NR3C2: variants seen among roughly 807,000 people sequenced by gnomAD.
NR3C2 encodes mineralocorticoid receptor.
In NR3C2, 15 loss-of-function variants were observed where a neutral mutation model predicts 86.4. That is an observed-to-expected ratio of 0.17 (90% confidence interval 0.12 to 0.27). NR3C2 has a LOEUF of 0.27. NR3C2 is among the 10% of genes least tolerant of loss of function. The pLI, the probability that NR3C2 is intolerant of heterozygous loss-of-function variation, is 1.00. For synonymous variants in NR3C2, 458 were observed against 450.5 expected (o/e 1.02, Z -0.21); for missense variants, 960 against 1,195.6 (o/e 0.80, Z 2.91).
At chr4:148,288,832 T>C (rs1315008713) in intron 2 of NR3C2, among the ~76,000 whole-genome samples, 1 of 152,134 alleles carries the variant, frequency 6.6e-6, no homozygotes, top group Non-Finnish European at 1.5e-5. Context: ...ATTTTATCAG[T>C]GTTATGCCCC....
rs1404371425 is a variant in NR3C2 at position 148,079,378 on chromosome 4, T to A, written c.*1966A>T. ...GGTTTCCCCTTGCATAAGGCAGGTG[T>A]CTTTTGAAAGACAAGGTAATGTTGC... is the stretch of plus-strand genomic sequence containing the variant. On this transcript the variant is annotated 3_prime_UTR_variant, in exon 9 of 9. Coordinates refer to ENST00000358102, the MANE Select transcript of NR3C2 (RefSeq NM_000901.5). 1 of 152,264 alleles carries A rather than the reference T, an allele frequency of 6.6e-6. No individual in the cohort carries two copies. Among genetic ancestry groups the A allele is most frequent in the African/African-American group, 2.4e-5 (1 of 41,466 alleles). 9.4% of individuals were successfully genotyped at this position (152,264 alleles called of 1,614,324 possible).
intron 8 of NR3C2, among the ~76,000 whole-genome samples, chr4:148,100,174 G>A (rs184974201): frequency 1.5e-3 from 233 of 152,226 alleles, no homozygotes; most frequent in African/African-American, 5.3e-3. Flanking sequence ...ATCAAACACC[G>A]CTTTTAATTT....
chr4:148,133,780 G>A (rs895242512), intron 6 of NR3C2, among the ~76,000 whole-genome samples: 2 of 152,324 alleles, frequency 1.3e-5, no homozygotes, highest in East Asian at 1.9e-4. Flanking sequence ...AGCAGAGAGT[G>A]GCTCACATGG....
At chr4:148,314,604 T>G (rs1324433304) in intron 2 of NR3C2, among the ~76,000 whole-genome samples, 4 of 152,182 alleles carry the variant, frequency 2.6e-5, no homozygotes, top group Non-Finnish European at 2.9e-5. Context: ...ATGATCCTGA[T>G]GTTATTAATA....
chr4:148,300,267 T>C (rs1742272556), intron 2 of NR3C2, among the ~76,000 whole-genome samples: 1 of 152,166 alleles, frequency 6.6e-6, no homozygotes, highest in African/African-American at 2.4e-5. Context: ...TCGTTTGACA[T>C]TCTATGTGAT....
chr4:148,235,307 T>C (rs1010874506), intron 3 of NR3C2, among the ~76,000 whole-genome samples: 1 of 149,070 alleles, frequency 6.7e-6, no homozygotes, highest in Non-Finnish European at 1.5e-5. Flanking sequence ...CTCTTACAGA[T>C]ACATATGGAA....
chr4:148,135,147 C>G (rs1578922442), intron 6 of NR3C2, among the ~76,000 whole-genome samples: 1 of 152,256 alleles, frequency 6.6e-6, no homozygotes, highest in African/African-American at 2.4e-5. Context: ...GGAAAAGGAA[C>G]AGCAGTGGTA....
In NR3C2 at chr4:148,209,055, C is replaced by T. The variant is rs536693771; in HGVS notation, c.1898-14193G>A. 2.0e-4 allele frequency among the ~76,000 whole-genome samples: 30 copies of T among 151,930 alleles called. 1 individual carries two copies. The South Asian group carries it at 5.8e-3, about 30-fold the overall frequency. Reference sequence around the variant, plus strand: ...AGTTAGGAGTTCAAGACCAGCCTGGCCAACATGGTGAAACCCAACCTCTAC... The same window carrying T: ...AGTTAGGAGTTCAAGACCAGCCTGGTCAACATGGTGAAACCCAACCTCTAC... On this transcript the variant is annotated intron_variant, in intron 3 of 8. Transcript: ENST00000358102.
At chr4:148,280,453 G>C (rs1385913558) in intron 2 of NR3C2, among the ~76,000 whole-genome samples, 1 of 152,092 alleles carries the variant, frequency 6.6e-6, no homozygotes, top group Non-Finnish European at 1.5e-5. Context: ...ACAAGAATGG[G>C]AGTTTTCACA....
intron 4 of NR3C2, among the ~76,000 whole-genome samples, chr4:148,169,198 G>T (rs768338268): frequency 1.9e-4 from 29 of 152,156 alleles, no homozygotes; most frequent in Non-Finnish European, 3.8e-4. Flanking sequence ...TCTCTGGAAA[G>T]TTAATCTTTC....
chr4:148,131,713 G>A (rs1312234367), intron 6 of NR3C2, among the ~76,000 whole-genome samples: 2 of 152,296 alleles, frequency 1.3e-5, no homozygotes, highest in Middle Eastern at 3.4e-3. Context: ...ATGTGTTAGA[G>A]AGACTAATGT....
intron 3 of NR3C2, among the ~76,000 whole-genome samples, chr4:148,196,023 T>C (rs1432682705): frequency 6.6e-6 from 1 of 152,028 alleles, no homozygotes; most frequent in African/African-American, 2.4e-5. Context: ...CTGACTGCAG[T>C]GGACTAAGGA....
chr4:148,163,051 G>C (rs1273879513), intron 4 of NR3C2, among the ~76,000 whole-genome samples: 1 of 152,174 alleles, frequency 6.6e-6, no homozygotes, highest in Non-Finnish European at 1.5e-5. Context: ...ATCATGGGGA[G>C]CATCTATTTT....
At chr4:148,200,872 C>T (rs1223123675) in intron 3 of NR3C2, among the ~76,000 whole-genome samples, 1 of 152,060 alleles carries the variant, frequency 6.6e-6, no homozygotes, top group African/African-American at 2.4e-5. Context: ...CTACCTGCCT[C>T]TACTAATACA....
intron 6 of NR3C2, among the ~76,000 whole-genome samples, chr4:148,132,327 T>A (rs1733078789): frequency 6.6e-6 from 1 of 152,220 alleles, no homozygotes; most frequent in South Asian, 2.1e-4. Context: ...AAGCAACTTT[T>A]CAGGACTGCT....
At chr4:148,211,383 G>A (rs1266991810) in intron 3 of NR3C2, among the ~76,000 whole-genome samples, 1 of 152,176 alleles carries the variant, frequency 6.6e-6, no homozygotes, top group African/African-American at 2.4e-5. Context: ...AAAAGCTTTA[G>A]AATTTTTCAT....
chr4:148,171,411 A>G (rs1735118549), intron 4 of NR3C2, among the ~76,000 whole-genome samples: 1 of 152,236 alleles, frequency 6.6e-6, no homozygotes, highest in Admixed American at 6.5e-5. Flanking sequence ...TGAATGCCTT[A>G]TAGCAGTGGT....
At chr4:148,437,436 A>G (rs575885838) in intron 1 of NR3C2, among the ~76,000 whole-genome samples, 23 of 152,248 alleles carry the variant, frequency 1.5e-4, no homozygotes, top group Non-Finnish European at 2.2e-4. Flanking sequence ...TATCATAGGA[A>G]AAATAATTTT....
intron 2 of NR3C2, among the ~76,000 whole-genome samples, chr4:148,358,673 T>C (rs1037096739): frequency 6.6e-6 from 1 of 152,118 alleles, no homozygotes; most frequent in Non-Finnish European, 1.5e-5. Context: ...CGTTCTTTTT[T>C]GCTAAATTTA....
Sources: gnomAD v4.1 joint callset for allele counts (sites outside exome capture counted in the v4.1 genomes callset) on GRCh38, gnomAD v4.1.1 for gene constraint, MANE v1.5 for transcripts, NCBI Gene and HGNC (gene_info 2026-07-23, HGNC 2026-07-21) for gene names.